The following PRR11 variants were observed in gnomAD, a reference collection of about 807,000 sequenced individuals.
PRR11 encodes proline rich 11, also known as proline-rich protein 11.
PRR11 carries 30 observed loss-of-function variants against 45.6 expected under a neutral mutation model. The observed-to-expected ratio is 0.66, with a 90% CI of 0.49 to 0.89. The LOEUF (loss-of-function observed/expected upper bound fraction) is 0.89, where lower values mean the gene tolerates loss of function less well. Among genes scored for constraint, PRR11 ranks in the 40% least tolerant of loss-of-function variants. The pLI is 0.00. For synonymous variants in PRR11, 128 were observed against 153.5 expected (o/e 0.83, Z 1.23); for missense variants, 373 against 424.8 (o/e 0.88, Z 1.07).
At position 59,169,738 on chromosome 17, in the gene PRR11, T is replaced by G; in HGVS notation, c.-5-10T>G. On this transcript the variant is annotated splice_polypyrimidine_tract_variant and intron_variant, in intron 1 of 9. Coordinates refer to ENST00000262293, the MANE Select transcript of PRR11 (RefSeq NM_018304.4). ...TCTTCAATTAAAAATGTAAAAAAAT[T>G]TCTCTGCAGAAATCATGCCCAAGTT... is the stretch of plus-strand genomic sequence containing the variant. 6.4e-7 allele frequency: 1 copy of G among 1,570,400 alleles called. No homozygotes were observed. The highest frequency in any genetic ancestry group is 8.6e-7 in the Non-Finnish European group (1 of 1,167,006).
In PRR11 at chr17:59,195,386, A is replaced by T. The variant is rs757087953; in HGVS notation, c.800A>T (p.His267Leu). The T allele has an allele frequency of 6.2e-6, 10 of 1,614,054 alleles. No homozygotes were observed. Among genetic ancestry groups the T allele is most frequent in the Non-Finnish European group, 8.5e-6 (10 of 1,179,974 alleles). Reference sequence around the variant, plus strand: ...CTAGTTACCGTCTCTGACTTGCAGCATGTTACCCTGAAACCTAACTCCAAA... The same window carrying T: ...CTAGTTACCGTCTCTGACTTGCAGCTTGTTACCCTGAAACCTAACTCCAAA... ...NPLVTVSDLQ[H>L]VTLKPNSKVL... Residue 267 changes from histidine to leucine, a missense_variant, in exon 7 of 10, where the codon CAT becomes CTT. Coordinates refer to ENST00000262293, the MANE Select transcript of PRR11 (RefSeq NM_018304.4).
At chr17:59,161,238 C>G (rs1372023177) in intron 1 of PRR11, among the ~76,000 whole-genome samples, 3 of 152,012 alleles carry the variant, frequency 2.0e-5, no homozygotes, top group South Asian at 2.1e-4. Context: ...GAAACCCCAT[C>G]TCTACTAAAA....
chr17:59,190,965 C>T (rs907067392), intron 4 of PRR11, among the ~76,000 whole-genome samples: 1 of 152,234 alleles, frequency 6.6e-6, no homozygotes, highest in African/African-American at 2.4e-5. Context: ...GTTTGCCCCA[C>T]TTCAGAAGCT....
Position 59,169,791 on chromosome 17 carries a change from C to T in PRR11, c.39C>T (p.Ala13=). 1.2e-6 allele frequency: 2 copies of T among 1,606,966 alleles called. No individual in the cohort carries two copies. ...KFKQRRRKLK[A]KAERLFKKKE... The stretch of plus-strand genomic sequence containing the variant: ...AACAACGAAGACGAAAGCTAAAAGC[C>T]AAAGCCGAAAGATTATTCAAAAAAA... The change falls in exon 2 of 10, where the codon GCC becomes GCT. Residue 13 remains alanine (A), a synonymous_variant. Coordinates refer to ENST00000262293, the MANE Select transcript of PRR11 (RefSeq NM_018304.4).
chr17:59,193,181 G>C (rs1364366924), intron 4 of PRR11, among the ~76,000 whole-genome samples: 1 of 152,180 alleles, frequency 6.6e-6, no homozygotes, highest in African/African-American at 2.4e-5. Context: ...AAAGTGCTGG[G>C]ATTACAGGTG....
At chr17:59,162,606 C>G (rs1418137622) in intron 1 of PRR11, among the ~76,000 whole-genome samples, 1 of 151,846 alleles carries the variant, frequency 6.6e-6, no homozygotes, top group Non-Finnish European at 1.5e-5. Context: ...GTAATTATTT[C>G]TTCTGGTATT....
chr17:59,205,952 G>C lies in PRR11; in HGVS notation c.*4321G>C, dbSNP rs1229978418. On this transcript the variant is annotated 3_prime_UTR_variant, in exon 10 of 10. Transcript: ENST00000262293. ...TATAGTCTCAGCTTCTCAGAAGACT[G>C]AGGCGTGAGAATCACTTGAACGATG... Among the ~76,000 whole-genome samples the C allele has an allele frequency of 6.6e-6, 1 of 152,048 alleles. No homozygotes were observed. The highest frequency in any genetic ancestry group is 2.4e-5 in the African/African-American group (1 of 41,424).
In PRR11 at chr17:59,206,117, A is replaced by T. The variant is rs1439152316; in HGVS notation, c.*4486A>T. On this transcript the variant is annotated 3_prime_UTR_variant, in exon 10 of 10. Coordinates refer to ENST00000262293, the MANE Select transcript of PRR11 (RefSeq NM_018304.4). The stretch of plus-strand genomic sequence containing the variant: ...TGCAGTGGCTCACACCTATAATCCT[A>T]GCACTTTGGGAGGCTAAGGCAGGAG... Among the ~76,000 whole-genome samples, 1 of 152,152 alleles carries T rather than the reference A, an allele frequency of 6.6e-6. No homozygotes were observed. Among genetic ancestry groups the T allele is most frequent in the Non-Finnish European group, 1.5e-5 (1 of 68,024 alleles).
intron 2 of PRR11, among the ~76,000 whole-genome samples, chr17:59,172,778 T>A (rs961030560): frequency 6.6e-6 from 1 of 152,256 alleles, no homozygotes; most frequent in Admixed American, 6.5e-5. Flanking sequence ...GCTCGGGACC[T>A]GCAGCCCGCC....
chr17:59,192,712 C>G (rs1488351894), intron 4 of PRR11, among the ~76,000 whole-genome samples: 1 of 152,138 alleles, frequency 6.6e-6, no homozygotes, highest in East Asian at 1.9e-4. Flanking sequence ...GATTAGGACC[C>G]CCACCCTAAC....
In PRR11 at chr17:59,185,561, A is replaced by G. The variant is rs559007258; in HGVS notation, c.401A>G (p.Lys134Arg). ...SKLCKLQEAL[K>R]TISESSSCPS... ...TTATGCAAGCTCCAGGAAGCACTGA[A>G]GGTTGGTATTGTCAAATAAAAAGCA... is the stretch of plus-strand genomic sequence containing the variant. Residue 134 changes from lysine to arginine, a missense_variant and splice_region_variant, in exon 4 of 10, where the codon AAG (lysine) becomes AGG (arginine). Physicochemically the swap from Lys to Arg is conservative, Grantham distance 26. Transcript: ENST00000262293. The G allele has an allele frequency of 1.3e-6, 2 of 1,596,260 alleles. No homozygotes were observed. The highest frequency in any genetic ancestry group is 2.2e-5 in the East Asian group (1 of 44,726).
intron 2 of PRR11, among the ~76,000 whole-genome samples, chr17:59,173,390 A>G (rs1019239962): frequency 2.6e-5 from 4 of 152,218 alleles, no homozygotes; most frequent in Non-Finnish European, 5.9e-5. Context: ...GGCACTTTGC[A>G]ATGAATCTTG....
intron 2 of PRR11, 121 bp downstream of exon 2, chr17:59,170,001 C>G: frequency 1.5e-6 from 2 of 1,300,564 alleles, no homozygotes; most frequent in Non-Finnish European, 2.0e-6. Context: ...TCCTGTAATC[C>G]CAGCACTTTG....
intron 9 of PRR11, among the ~76,000 whole-genome samples, chr17:59,199,831 C>T (rs548705415): frequency 6.6e-6 from 1 of 152,306 alleles, no homozygotes; most frequent in Admixed American, 6.5e-5. Context: ...GGGCACTATA[C>T]AGCTTTCTGC....
At chr17:59,180,143 T>G (rs1203209403) in intron 2 of PRR11, among the ~76,000 whole-genome samples, 7 of 149,136 alleles carry the variant, frequency 4.7e-5, no homozygotes, top group African/African-American at 1.7e-4. Context: ...TTTTTTTTTT[T>G]TTTTTGACAC....
intron 2 of PRR11, among the ~76,000 whole-genome samples, chr17:59,174,825 A>T (rs554338227): frequency 5.9e-5 from 9 of 152,244 alleles, no homozygotes; most frequent in Non-Finnish European, 5.9e-5. Context: ...GCTCTGGGTT[A>T]TAAGCCTGGA....
intron 7 of PRR11, among the ~76,000 whole-genome samples, chr17:59,196,650 T>G (rs1298138050): frequency 6.6e-6 from 1 of 151,336 alleles, no homozygotes; most frequent in Non-Finnish European, 1.5e-5. Context: ...GTGCTGGGAT[T>G]TCAGGGGTGA....
rs902221397 is a variant in PRR11 at position 59,201,619 on chromosome 17, T to G, written c.1071T>G (p.Asp357Glu). ...PTLPLSTSSF[D>E]EQN ...TGCCACTTTCTACAAGCAGCTTTGA[T>G]GAACAAAACTGATGCCAACTCTGCC... The change falls in exon 10 of 10, where the codon GAT becomes GAG. Residue 357 changes from aspartate (D) to glutamate (E), a missense_variant. Coordinates refer to ENST00000262293, the MANE Select transcript of PRR11 (RefSeq NM_018304.4). 1.7e-5 allele frequency: 27 copies of G among 1,613,472 alleles called. No individual in the cohort carries two copies. The highest frequency in any genetic ancestry group is 2.3e-5 in the Non-Finnish European group (27 of 1,179,966).
At chr17:59,189,487 C>T (rs2046831093) in intron 4 of PRR11, among the ~76,000 whole-genome samples, 1 of 151,976 alleles carries the variant, frequency 6.6e-6, no homozygotes, top group African/African-American at 2.4e-5. Flanking sequence ...GTGCCCGCCA[C>T]CATGCCTGGC....
Sources: gnomAD v4.1 joint callset for allele counts (sites outside exome capture counted in the v4.1 genomes callset) on GRCh38, gnomAD v4.1.1 for gene constraint, MANE v1.5 for transcripts, NCBI Gene and HGNC (gene_info 2026-07-23, HGNC 2026-07-21) for gene names.